CAST: variants seen among roughly 807,000 people sequenced by gnomAD.
The protein encoded by CAST is calpastatin, also known as MIR583 host.
In CAST, 76 loss-of-function variants were observed where a neutral mutation model predicts 119.6. That is an observed-to-expected ratio of 0.64 (90% CI 0.53 to 0.77). The LOEUF is 0.77. CAST is among the 30% of genes least tolerant of loss of function. CAST has a pLI of 0.00. For missense variants in CAST, 953 were observed against 946.5 expected (o/e 1.01, Z -0.09); for synonymous variants, 319 against 331.6 (o/e 0.96, Z 0.41).
chr5:96,245,544 C>A, the CAST span, among the ~76,000 whole-genome samples: 140 of 150,966 alleles, frequency 9.3e-4, no homozygotes, highest in Admixed American at 1.6e-3. Context: ...GCCCCACTGA[C>A]AACAGAGTTT....
the CAST span, chr5:96,397,317 T>G: frequency 6.2e-7 from 1 of 1,609,578 alleles, no homozygotes; most frequent in Non-Finnish European, 8.5e-7. Context: ...TGTTTTTTCA[T>G]CCTCTCATTC....
chr5:96,272,923 G>A, the CAST span, among the ~76,000 whole-genome samples: 7 of 152,130 alleles, frequency 4.6e-5, no homozygotes, highest in African/African-American at 1.7e-4. Flanking sequence ...TGCCAAGCAA[G>A]AGGAGGATTT....
the CAST span, among the ~76,000 whole-genome samples, chr5:96,016,755 T>C: frequency 6.6e-6 from 1 of 152,072 alleles, no homozygotes; most frequent in Non-Finnish European, 1.5e-5. Context: ...AAATTGCCCT[T>C]GATAATGTAA....
At chr5:96,559,262 G>A (rs1746308004) in intron 1 of CAST, among the ~76,000 whole-genome samples, 1 of 152,100 alleles carries the variant, frequency 6.6e-6, no homozygotes, top group African/African-American at 2.4e-5. Context: ...TACTGAATGG[G>A]CAAAAACTGG....
chr5:96,176,456 C>T, the CAST span, among the ~76,000 whole-genome samples: 1 of 152,156 alleles, frequency 6.6e-6, no homozygotes, highest in African/African-American at 2.4e-5. Context: ...GAAGTCCCCA[C>T]CTTCATTCTG....
At chr5:95,980,962 C>T in the CAST span, among the ~76,000 whole-genome samples, 1 of 152,156 alleles carries the variant, frequency 6.6e-6, no homozygotes, top group Non-Finnish European at 1.5e-5. Flanking sequence ...GAATAGCTGC[C>T]ACCATGCCTC....
At chr5:96,706,187 T>A (rs1488527553) in intron 3 of CAST, among the ~76,000 whole-genome samples, 1 of 152,228 alleles carries the variant, frequency 6.6e-6, no homozygotes, top group Non-Finnish European at 1.5e-5. Context: ...GATAAAATAA[T>A]ATTCATTTTT....
chr5:96,442,114 C>T, the CAST span, among the ~76,000 whole-genome samples: 4 of 152,160 alleles, frequency 2.6e-5, no homozygotes, highest in Admixed American at 6.5e-5. Context: ...AGAGCTAACA[C>T]CAGAACTCAG....
chr5:96,149,442 T>C, the CAST span, among the ~76,000 whole-genome samples: 1 of 152,218 alleles, frequency 6.6e-6, no homozygotes, highest in Non-Finnish European at 1.5e-5. Flanking sequence ...GGGAATTTGC[T>C]TTTTCAGCTT....
chr5:96,205,276 CT>C, the CAST span, among the ~76,000 whole-genome samples: 146 of 152,074 alleles, frequency 9.6e-4, no homozygotes, highest in African/African-American at 3.4e-3. Flanking sequence ...TCAATTTTTC[CT>C]TTTATGAATT....
chr5:96,711,500 C>T (rs765030015), intron 3 of CAST, among the ~76,000 whole-genome samples: 145 of 152,164 alleles, frequency 9.5e-4, no homozygotes, highest in Non-Finnish European at 1.7e-3. Flanking sequence ...AACTACTGTG[C>T]TAAGTGATTT....
chr5:96,170,303 A>T, the CAST span, among the ~76,000 whole-genome samples: 1 of 152,286 alleles, frequency 6.6e-6, no homozygotes, highest in African/African-American at 2.4e-5. Context: ...GGCTGCCGGC[A>T]TTCCTTGGCC....
the CAST span, among the ~76,000 whole-genome samples, chr5:96,466,779 T>C: frequency 6.6e-6 from 1 of 152,146 alleles, no homozygotes; most frequent in African/African-American, 2.4e-5. Flanking sequence ...ATAATACCTC[T>C]AATATTTTGC....
intron 20 of CAST, among the ~76,000 whole-genome samples, 157 bp downstream of exon 20, chr5:96,750,839 G>C (rs1188394509): frequency 6.6e-6 from 1 of 152,184 alleles, no homozygotes; most frequent in African/African-American, 2.4e-5. Context: ...TTGGGCTTCA[G>C]GGGTGTCGTA....
At chr5:96,113,521 A>G in the CAST span, among the ~76,000 whole-genome samples, 8 of 152,254 alleles carry the variant, frequency 5.3e-5, no homozygotes, top group Admixed American at 5.2e-4. Context: ...TGAAAATATG[A>G]TAGCTCAGAG....
At chr5:96,161,878 G>A in the CAST span, among the ~76,000 whole-genome samples, 1 of 152,026 alleles carries the variant, frequency 6.6e-6, no homozygotes, top group East Asian at 1.9e-4. Context: ...GGATGTTATT[G>A]TAAATAGAAT....
At chr5:96,431,635 C>T in the CAST span, among the ~76,000 whole-genome samples, 6 of 152,260 alleles carry the variant, frequency 3.9e-5, no homozygotes, top group South Asian at 1.2e-3. Context: ...GGAAGCCAAT[C>T]TGCATTGATT....
chr5:96,332,745 G>T, the CAST span, among the ~76,000 whole-genome samples: 3 of 152,152 alleles, frequency 2.0e-5, no homozygotes, highest in Non-Finnish European at 2.9e-5. Context: ...ACACTGCATA[G>T]GTTCCTTAGC....
the CAST span, among the ~76,000 whole-genome samples, chr5:96,135,094 G>A: frequency 6.6e-6 from 1 of 152,296 alleles, no homozygotes; most frequent in East Asian, 1.9e-4. Context: ...TTGAGAGTGG[G>A]TGGTACAGCA....
Sources: gnomAD v4.1 joint callset for allele counts (sites outside exome capture counted in the v4.1 genomes callset) on GRCh38, gnomAD v4.1.1 for gene constraint, MANE v1.5 for transcripts, NCBI Gene and HGNC (gene_info 2026-07-23, HGNC 2026-07-21) for gene names.